The following RABEPK variants were observed in gnomAD, a reference collection of about 807,000 sequenced individuals.
RABEPK encodes the protein Rab9 effector protein with kelch motifs.
In RABEPK, 27 loss-of-function variants were observed where a neutral mutation model predicts 34.1. The ratio of observed to expected loss-of-function variants is 0.79; its 90% confidence interval spans 0.58 to 1.09. The LOEUF (loss-of-function observed/expected upper bound fraction) is 1.09, where lower values mean the gene tolerates loss of function less well. Ranked by LOEUF, RABEPK falls within the 50% of genes least tolerant of loss-of-function variation. RABEPK has a pLI of 0.00. For synonymous variants in RABEPK, 172 were observed against 169.2 expected (o/e 1.02, Z -0.13); for missense variants, 449 against 462.6 (o/e 0.97, Z 0.27).
At chr9:125,214,684 CTTTACAAATATTATT>C (rs1690295236) in intron 4 of RABEPK, among the ~76,000 whole-genome samples, 1 of 151,416 alleles carries the variant, frequency 6.6e-6, no homozygotes, top group African/African-American at 2.4e-5. Context: ...TTGTTTTTCT[CTTTACAAATATTATT>C]TATGTTCATT....
At chr9:125,223,599 C>T (rs1320481681) in intron 5 of RABEPK, among the ~76,000 whole-genome samples, 1 of 151,932 alleles carries the variant, frequency 6.6e-6, no homozygotes, top group Non-Finnish European at 1.5e-5. Context: ...GGTATGCTGA[C>T]TCATGCCTAT....
chr9:125,224,908 G>T (rs1260174906), intron 5 of RABEPK, among the ~76,000 whole-genome samples: 2 of 152,112 alleles, frequency 1.3e-5, no homozygotes, highest in Non-Finnish European at 2.9e-5. Flanking sequence ...AGGAGTCCCT[G>T]CTAACTTTTA....
At chr9:125,227,439 T>A (rs1831840038) in intron 5 of RABEPK, among the ~76,000 whole-genome samples, 1 of 151,832 alleles carries the variant, frequency 6.6e-6, no homozygotes, top group Non-Finnish European at 1.5e-5. Flanking sequence ...TTCTTTTTTT[T>A]AAGACAGAGT....
At chr9:125,211,257 C>T (rs1434413778) in intron 3 of RABEPK, among the ~76,000 whole-genome samples, 1 of 151,420 alleles carries the variant, frequency 6.6e-6, no homozygotes, top group African/African-American at 2.4e-5. Context: ...GAAAGTGATT[C>T]TCCTGCCTCA....
At position 125,231,246 on chromosome 9, in the gene RABEPK, A is replaced by G. The variant is rs182862237; in HGVS notation, c.677-1350A>G. 3.6e-3 allele frequency among the ~76,000 whole-genome samples: 549 copies of G among 152,214 alleles called. 3 individuals are homozygous for G. The highest frequency in any genetic ancestry group is 0.013 in the African/African-American group (532 of 41,552). On this transcript the variant is annotated intron_variant, in intron 6 of 7. Coordinates refer to ENST00000373538, the MANE Select transcript of RABEPK (RefSeq NM_005833.4). ...GAGGTGGAGGTTGCAGTGAGCTGAG[A>G]TCGCGCCACTGCACTCCAGCCTGGG...
rs1564167939 is a variant in RABEPK at position 125,200,749 on chromosome 9, T to C, written c.-164T>C. 2.1e-6 allele frequency: 1 copy of C among 471,204 alleles called. No homozygotes were observed. Among genetic ancestry groups the C allele is most frequent in the Non-Finnish European group, 4.4e-6 (1 of 227,058 alleles). 29.2% of individuals were successfully genotyped at this position (471,204 alleles called of 1,614,324 possible). On this transcript the variant is annotated 5_prime_UTR_variant, in exon 1 of 8. Coordinates refer to ENST00000373538, the MANE Select transcript of RABEPK (RefSeq NM_005833.4). ...CGGCCACTTTGACCGAATCAGCCTG[T>C]TCTTTCCCGACCCCGTCTCCTATCC...
chr9:125,225,962 CAAAAAAA>C (rs60277969), intron 5 of RABEPK, among the ~76,000 whole-genome samples: 2 of 98,624 alleles, frequency 2.0e-5, no homozygotes, highest in Non-Finnish European at 4.1e-5. Context: ...GACTCTGTTT[CAAAAAAA>C]AAAAAGAAAA....
chr9:125,232,732 C>T lies in RABEPK; in HGVS notation c.813C>T (p.Tyr271=), dbSNP rs1292188365. The change falls in exon 7 of 8, where the codon TAC becomes TAT. Residue 271 remains tyrosine, a synonymous_variant. Coordinates refer to ENST00000373538, the MANE Select transcript of RABEPK (RefSeq NM_005833.4). Reference sequence around the variant, plus strand: ...CTGCAGGAGCACTGGACACAATGTACCAGTATCACACAGGTGAGCAGGTGT... The same window carrying T: ...CTGCAGGAGCACTGGACACAATGTATCAGTATCACACAGGTGAGCAGGTGT... ...MTPAGALDTM[Y]QYHTEEQHWT... 2 of 1,613,594 alleles carry T rather than the reference C, an allele frequency of 1.2e-6. No homozygotes were observed. The highest frequency in any genetic ancestry group is 1.7e-6 in the Non-Finnish European group (2 of 1,179,770).
intron 1 of RABEPK, among the ~76,000 whole-genome samples, chr9:125,201,683 G>A (rs761584134): frequency 2.6e-5 from 4 of 151,872 alleles, no homozygotes; most frequent in Non-Finnish European, 4.4e-5. Flanking sequence ...GCGCAATTTC[G>A]GCTCACTGCA....
chr9:125,226,149 C>CAA (rs56728571), intron 5 of RABEPK, among the ~76,000 whole-genome samples: 5 of 96,442 alleles, frequency 5.2e-5, no homozygotes, highest in East Asian at 6.1e-4. Flanking sequence ...GACTTTGTCT[C>CAA]AAAAAAAAAA....
intron 3 of RABEPK, among the ~76,000 whole-genome samples, chr9:125,209,306 G>A (rs557255425): frequency 1.2e-4 from 18 of 149,634 alleles, no homozygotes; most frequent in African/African-American, 3.7e-4. Context: ...TGATCCTCCC[G>A]CCTCATCCTC....
At chr9:125,225,145 G>A (rs1831643185) in intron 5 of RABEPK, among the ~76,000 whole-genome samples, 1 of 152,166 alleles carries the variant, frequency 6.6e-6, no homozygotes, top group South Asian at 2.1e-4. Context: ...AGCACTTTGG[G>A]AGGCTGAGGT....
At chr9:125,216,976 A>C (rs1228798230) in intron 4 of RABEPK, among the ~76,000 whole-genome samples, 1 of 151,996 alleles carries the variant, frequency 6.6e-6, no homozygotes, top group Non-Finnish European at 1.5e-5. Flanking sequence ...CAAAAAAAAA[A>C]AAAAAAGAAG....
chr9:125,233,340 T>TTG (rs1430655290), intron 7 of RABEPK, among the ~76,000 whole-genome samples: 2 of 139,962 alleles, frequency 1.4e-5, no homozygotes, highest in African/African-American at 5.4e-5. Flanking sequence ...TTTTTTTTTT[T>TTG]TTTTTTTTTT....
chr9:125,231,540 C>T (rs540196291), intron 6 of RABEPK, among the ~76,000 whole-genome samples: 77 of 152,190 alleles, frequency 5.1e-4, no homozygotes, highest in Non-Finnish European at 1.0e-3. Flanking sequence ...CCATGGCTCC[C>T]GCCTGTAATC....
At position 125,208,756 on chromosome 9, in the gene RABEPK, C is replaced by T. The variant is rs558211149; in HGVS notation, c.211+1035C>T. On this transcript the variant is annotated intron_variant, in intron 3 of 7. Coordinates refer to ENST00000373538, the MANE Select transcript of RABEPK (RefSeq NM_005833.4). Reference sequence around the variant, plus strand: ...TTCACCATGTTGGCCAGGATGGTCTCGAACTCCAGACCTCATGATTCACCC... The same window carrying T: ...TTCACCATGTTGGCCAGGATGGTCTTGAACTCCAGACCTCATGATTCACCC... Among the ~76,000 whole-genome samples, 8 of 152,146 alleles carry T rather than the reference C, an allele frequency of 5.3e-5. No individual in the cohort carries two copies. In the South Asian group the frequency reaches 1.0e-3, roughly 20 times the overall value.
chr9:125,207,868 C>T (rs1358364023), intron 3 of RABEPK, 147 bp downstream of exon 3: 5 of 958,714 alleles, frequency 5.2e-6, no homozygotes, highest in Non-Finnish European at 7.6e-6. Flanking sequence ...GCTCACGCCT[C>T]TAATCCCAGC....
chr9:125,227,157 C>T (rs574605287), intron 5 of RABEPK, among the ~76,000 whole-genome samples: 2 of 151,504 alleles, frequency 1.3e-5, no homozygotes, highest in East Asian at 1.9e-4. Flanking sequence ...GCGACAAGAC[C>T]GAAACTTTGT....
At position 125,213,420 on chromosome 9, in the gene RABEPK, G is replaced by T; in HGVS notation, c.262G>T (p.Glu88Ter). The T allele has an allele frequency of 1.2e-6, 2 of 1,614,066 alleles. No individual in the cohort carries two copies. The highest frequency in any genetic ancestry group is 2.2e-5 in the South Asian group (2 of 91,054). ...CTGCAAGGGCCTCTTGCCCCGGTAT[G>T]AACATGCTAGCTTCATTCCCTCCTG... ...DTCKGLLPRY[E>*]HASFIPSCTP... Residue 88 changes from glutamate to a stop codon, truncating the protein, a stop_gained, in exon 4 of 8, where the codon GAA (glutamate) becomes TAA (stop). Coordinates refer to ENST00000373538, the MANE Select transcript of RABEPK (RefSeq NM_005833.4). LOFTEE classifies it high-confidence loss of function.
Sources: gnomAD v4.1 joint callset for allele counts (sites outside exome capture counted in the v4.1 genomes callset) on GRCh38, gnomAD v4.1.1 for gene constraint, MANE v1.5 for transcripts, NCBI Gene and HGNC (gene_info 2026-07-23, HGNC 2026-07-21) for gene names.